MTHFD2L: variants seen among roughly 807,000 people sequenced by gnomAD.
The protein encoded by MTHFD2L is bifunctional methylenetetrahydrofolate dehydrogenase/cyclohydrolase 2, mitochondrial.
In MTHFD2L, 29 loss-of-function variants were observed where a neutral mutation model predicts 34.9. The ratio of observed to expected loss-of-function variants is 0.83; its 90% CI spans 0.62 to 1.13. The LOEUF (loss-of-function observed/expected upper bound fraction) is 1.13, where lower values mean the gene tolerates loss of function less well. Among genes scored for constraint, MTHFD2L ranks in the 50% most tolerant of loss-of-function variants. MTHFD2L has a pLI of 0.00. For missense variants in MTHFD2L, 481 were observed against 446.5 expected, an observed-to-expected ratio of 1.08 and a Z score of -0.70; for synonymous variants, 167 against 155.7, an observed-to-expected ratio of 1.07 and a Z score of -0.54.
At chr4:74,174,873 A>G (rs1728727212) in intron 2 of MTHFD2L, among the ~76,000 whole-genome samples, 183 bp downstream of exon 2, 1 of 152,178 alleles carries the variant, frequency 6.6e-6, no homozygotes, top group Admixed American at 6.6e-5. Context: ...AATTTCTTAT[A>G]GGGTTAATTC....
chr4:74,278,524 G>A (rs577031503), intron 6 of MTHFD2L, among the ~76,000 whole-genome samples: 1 of 152,186 alleles, frequency 6.6e-6, no homozygotes, highest in East Asian at 1.9e-4. Flanking sequence ...CCATGGTTCA[G>A]CTGATCAGTT....
intron 5 of MTHFD2L, among the ~76,000 whole-genome samples, chr4:74,214,869 CA>C (rs1186895284): frequency 6.6e-6 from 1 of 151,918 alleles, no homozygotes; most frequent in Admixed American, 6.5e-5. Context: ...AAGCCCCTGA[CA>C]GGGGCTGCTG....
At chr4:74,148,741 C>G (rs1237643177) in intron 1 of MTHFD2L, among the ~76,000 whole-genome samples, 3 of 149,352 alleles carry the variant, frequency 2.0e-5, no homozygotes, top group African/African-American at 7.3e-5. Context: ...TACAGAGAAA[C>G]TCTTGAATAA....
At chr4:74,258,717 A>G (rs1376316248) in intron 6 of MTHFD2L, among the ~76,000 whole-genome samples, 3 of 152,188 alleles carry the variant, frequency 2.0e-5, no homozygotes, top group Non-Finnish European at 4.4e-5. Context: ...TGAAACATCT[A>G]ACATCATATA....
chr4:74,222,134 C>G (rs1471396237), intron 5 of MTHFD2L, among the ~76,000 whole-genome samples: 2 of 152,014 alleles, frequency 1.3e-5, no homozygotes, highest in Non-Finnish European at 2.9e-5. Context: ...AGGCAGTCAA[C>G]AAACTTTCTC....
At chr4:74,158,424 A>G (rs1724655439) in intron 1 of MTHFD2L, 143 bp downstream of exon 1, 2 of 594,350 alleles carry the variant, frequency 3.4e-6, no homozygotes, top group Non-Finnish European at 4.3e-6. Flanking sequence ...CTTGTCTGTG[A>G]GGTGGCCTTG....
chr4:74,128,451 C>T (rs1026362339), intron 1 of MTHFD2L, among the ~76,000 whole-genome samples: 1 of 152,016 alleles, frequency 6.6e-6, no homozygotes, highest in South Asian at 2.1e-4. Flanking sequence ...CCAGTTTTCC[C>T]AGCACCATTT....
At chr4:74,188,999 A>G (rs1335246570) in intron 3 of MTHFD2L, among the ~76,000 whole-genome samples, 3 of 152,070 alleles carry the variant, frequency 2.0e-5, no homozygotes, top group Admixed American at 2.0e-4. Context: ...CACAGGACTC[A>G]GGATGAAATT....
At chr4:74,239,043 C>T (rs867690313) in intron 6 of MTHFD2L, among the ~76,000 whole-genome samples, 2 of 152,156 alleles carry the variant, frequency 1.3e-5, no homozygotes, top group South Asian at 2.1e-4. Context: ...CATGTATGTT[C>T]ATTGTGGCAC....
At chr4:74,181,519 G>C (rs1730168635) in intron 3 of MTHFD2L, among the ~76,000 whole-genome samples, 2 of 152,144 alleles carry the variant, frequency 1.3e-5, no homozygotes, top group Non-Finnish European at 2.9e-5. Context: ...ACCAAGTGTA[G>C]CATCCTTCGT....
chr4:74,160,077 C>T (rs1363123663), intron 1 of MTHFD2L: 6 of 1,289,168 alleles, frequency 4.7e-6, no homozygotes, highest in African/African-American at 1.5e-5. Context: ...GAAGAGATTC[C>T]ATCTTCCAGA....
chr4:74,250,296 T>A (rs115518315), intron 6 of MTHFD2L, among the ~76,000 whole-genome samples: 1,609 of 152,300 alleles, frequency 0.011, 28 homozygotes, highest in African/African-American at 0.037. Flanking sequence ...ATAATCACAC[T>A]CTCTAATTTA....
intron 1 of MTHFD2L, among the ~76,000 whole-genome samples, chr4:74,146,782 G>A (rs374172046): frequency 6.6e-6 from 1 of 151,794 alleles, no homozygotes; most frequent in Admixed American, 6.6e-5. Flanking sequence ...TTCCAGATTC[G>A]GTCTTTTGAG....
chr4:74,210,549 A>G (rs950185574), intron 5 of MTHFD2L, among the ~76,000 whole-genome samples: 1 of 152,090 alleles, frequency 6.6e-6, no homozygotes, highest in Non-Finnish European at 1.5e-5. Context: ...CCATTGGTCT[A>G]TATATCTGTT....
chr4:74,147,115 T>G (rs1315126091), intron 1 of MTHFD2L, among the ~76,000 whole-genome samples: 1 of 152,198 alleles, frequency 6.6e-6, no homozygotes, highest in Non-Finnish European at 1.5e-5. Context: ...TGTACATCTA[T>G]GTATTTGCAT....
chr4:74,291,561 C>T (rs977149904), intron 7 of MTHFD2L, among the ~76,000 whole-genome samples: 5 of 152,188 alleles, frequency 3.3e-5, no homozygotes, highest in Non-Finnish European at 7.3e-5. Flanking sequence ...TTACTCAGCA[C>T]ATATTTTGTG....
intron 1 of MTHFD2L, among the ~76,000 whole-genome samples, chr4:74,143,852 A>C (rs1223887300): frequency 6.6e-6 from 1 of 152,210 alleles, no homozygotes; most frequent in East Asian, 1.9e-4. Flanking sequence ...AGATAGGATA[A>C]GGAGAAACAT....
rs1333964970 is a variant in MTHFD2L at position 74,303,024 on chromosome 4, C to T, written c.*1215C>T. 5 of 152,044 alleles carry T rather than the reference C, an allele frequency of 3.3e-5. No homozygotes were observed. The highest frequency in any genetic ancestry group is 3.8e-4 in the East Asian group (2 of 5,200). 9.4% of individuals were successfully genotyped at this position (152,044 alleles called of 1,614,324 possible). A position where few individuals can be genotyped will look rare whatever the true frequency, so the allele number is the denominator to read the frequency against. ...TGTCTTTATCAGTGTGTACTCGTGA[C>T]GATTTGTGTGAAAATAGACTTGATG... On this transcript the variant is annotated 3_prime_UTR_variant, in exon 8 of 8. Coordinates refer to ENST00000325278, the MANE Select transcript of MTHFD2L (RefSeq NM_001144978.3).
At chr4:74,186,232 G>A (rs758816180) in intron 3 of MTHFD2L, among the ~76,000 whole-genome samples, 3 of 151,946 alleles carry the variant, frequency 2.0e-5, no homozygotes, top group Middle Eastern at 6.8e-3. Context: ...ACTCTTTCAA[G>A]CTGATAAAGG....
Sources: gnomAD v4.1 joint callset for allele counts (sites outside exome capture counted in the v4.1 genomes callset) on GRCh38, gnomAD v4.1.1 for gene constraint, MANE v1.5 for transcripts, NCBI Gene and HGNC (gene_info 2026-07-23, HGNC 2026-07-21) for gene names.